The following ERC1 variants were observed in gnomAD, a reference collection of about 807,000 sequenced individuals.
ERC1 encodes the protein ELKS/RAB6-interacting/CAST family member 1, also known as RAB6 interacting protein 2.
Under a neutral mutation model 132.0 loss-of-function variants are expected in ERC1, and 56 were observed. That is an observed-to-expected ratio of 0.42 (90% CI 0.34 to 0.53). The LOEUF (loss-of-function observed/expected upper bound fraction) is 0.53. Among genes scored for constraint, ERC1 ranks in the 20% least tolerant of loss-of-function variants. The pLI, the probability that ERC1 is intolerant of heterozygous loss-of-function variation, is 0.03. For synonymous variants in ERC1, 478 were observed against 476.1 expected, an observed-to-expected ratio of 1.00 and a Z score of -0.05; for missense variants, 1,202 against 1,349.9, an observed-to-expected ratio of 0.89 and a Z score of 1.72.
intron 3 of ERC1, 125 bp downstream of exon 3, chr12:1,083,705 G>T (rs542906725): frequency 2.8e-5 from 20 of 710,294 alleles, no homozygotes; most frequent in Middle Eastern, 7.1e-4. Context: ...TTCATCCTTT[G>T]TATTTAAGTG....
chr12:1,208,948 G>A (rs573737403), intron 12 of ERC1, among the ~76,000 whole-genome samples: 30 of 134,484 alleles, frequency 2.2e-4, no homozygotes, highest in Admixed American at 7.6e-4. Flanking sequence ...TTGCCACCAC[G>A]CCCAGCTGAT....
intron 15 of ERC1, among the ~76,000 whole-genome samples, chr12:1,298,161 C>T (rs1306853580): frequency 6.6e-6 from 1 of 152,136 alleles, no homozygotes; most frequent in Non-Finnish European, 1.5e-5. Context: ...TGAAGTAGTA[C>T]AATTTCTAAT....
intron 8 of ERC1, among the ~76,000 whole-genome samples, chr12:1,164,284 A>G (rs1246088775): frequency 9.4e-6 from 1 of 106,152 alleles, no homozygotes; most frequent in African/African-American, 3.0e-5. Context: ...ATTTTATGTT[A>G]TTTTATTTTG....
chr12:1,003,096 C>CAAAAAAAAAAAAAAAAAAAGAA (rs59507923), intron 1 of ERC1, among the ~76,000 whole-genome samples: 5 of 86,876 alleles, frequency 5.8e-5, no homozygotes, highest in Admixed American at 1.5e-4. Context: ...ATGAAAAATG[C>CAAAAAAAAAAAAAAAAAAAGAA]AAAAAAAAAA....
chr12:1,083,824 T>C (rs1942577832), intron 3 of ERC1, among the ~76,000 whole-genome samples: 3 of 152,224 alleles, frequency 2.0e-5, no homozygotes, highest in African/African-American at 7.2e-5. Context: ...CCCCTGATTT[T>C]GAGAGTTCAT....
At chr12:1,064,698 TTC>T (rs1436553067) in intron 2 of ERC1, among the ~76,000 whole-genome samples, 2 of 152,188 alleles carry the variant, frequency 1.3e-5, no homozygotes, top group Non-Finnish European at 2.9e-5. Context: ...CAGTGTAGAA[TTC>T]TGTTTTTATC....
At chr12:1,095,036 C>G (rs1339745547) in intron 3 of ERC1, among the ~76,000 whole-genome samples, 1 of 152,092 alleles carries the variant, frequency 6.6e-6, no homozygotes, top group African/African-American at 2.4e-5. Context: ...ATTTTCAGAC[C>G]TAAGTTTTAC....
At chr12:1,273,776 CAGAT>C (rs1231744412) in intron 14 of ERC1, among the ~76,000 whole-genome samples, 3 of 148,264 alleles carry the variant, frequency 2.0e-5, no homozygotes, top group South Asian at 2.1e-4. Context: ...GATGGACAGA[CAGAT>C]AGATACATGG....
At chr12:1,016,635 C>CTTTTTTT (rs397967271) in intron 1 of ERC1, among the ~76,000 whole-genome samples, 13 of 128,056 alleles carry the variant, frequency 1.0e-4, no homozygotes, top group Admixed American at 1.6e-4. Flanking sequence ...CTTTTCTTTT[C>CTTTTTTT]TTTTTTTTTT....
intron 2 of ERC1, among the ~76,000 whole-genome samples, chr12:1,081,486 G>A (rs1942188845): frequency 6.6e-6 from 1 of 152,168 alleles, no homozygotes; most frequent in Non-Finnish European, 1.5e-5. Context: ...AAGCTGATTT[G>A]GAGTTTTCTT....
intron 15 of ERC1, among the ~76,000 whole-genome samples, chr12:1,315,341 TTTTTGTTTTG>T (rs143817041): frequency 6.6e-6 from 1 of 150,870 alleles, no homozygotes; most frequent in East Asian, 1.9e-4. Context: ...TTCTACAGTT[TTTTTGTTTTG>T]TTTTGTTTTG....
chr12:1,216,607 A>AGGAGGGATGGGGGGCGAGGG (rs1485383560), intron 12 of ERC1, among the ~76,000 whole-genome samples: 1 of 27,400 alleles, frequency 3.6e-5, no homozygotes, highest in African/African-American at 1.1e-4. Flanking sequence ...GGGGTCGGGG[A>AGGAGGGATGGGGGGCGAGGG]GGAGGGATGG....
intron 18 of ERC1, among the ~76,000 whole-genome samples, chr12:1,473,173 G>C (rs1468093281): frequency 6.6e-6 from 1 of 152,000 alleles, no homozygotes; most frequent in East Asian, 1.9e-4. Flanking sequence ...TTACAGGCAC[G>C]CACCACCATG....
intron 4 of ERC1, among the ~76,000 whole-genome samples, chr12:1,107,885 T>C (rs1446066454): frequency 6.6e-6 from 1 of 152,132 alleles, no homozygotes; most frequent in Non-Finnish European, 1.5e-5. Context: ...GGTTGAGAAT[T>C]TGGGGAATTT....
chr12:1,004,691 C>G (rs540493582), intron 1 of ERC1, among the ~76,000 whole-genome samples: 1 of 152,082 alleles, frequency 6.6e-6, no homozygotes, highest in East Asian at 1.9e-4. Flanking sequence ...AGGTGTGAGC[C>G]ACCATGCTCA....
chr12:1,003,287 A>G (rs972819741), intron 1 of ERC1, among the ~76,000 whole-genome samples: 1 of 152,102 alleles, frequency 6.6e-6, no homozygotes, highest in Non-Finnish European at 1.5e-5. Flanking sequence ...AATGTTTTAT[A>G]GTTTTCTGTG....
intron 5 of ERC1, 84 bp downstream of exon 5, chr12:1,110,431 C>A (rs1011363069): frequency 9.1e-7 from 1 of 1,101,568 alleles, no homozygotes; most frequent in Non-Finnish European, 1.3e-6. Flanking sequence ...ATGATAAAGC[C>A]GTATTTTACA....
At chr12:1,485,227 CAG>C (rs1245257502) in intron 18 of ERC1, among the ~76,000 whole-genome samples, 1 of 80,862 alleles carries the variant, frequency 1.2e-5, no homozygotes, top group Non-Finnish European at 2.4e-5. Context: ...TTTTTTGAGA[CAG>C]AGTCTCGCTC....
chr12:1,285,357 C>T (rs1395527066), intron 14 of ERC1, among the ~76,000 whole-genome samples: 1 of 152,138 alleles, frequency 6.6e-6, no homozygotes, highest in East Asian at 1.9e-4. Flanking sequence ...AAATCCCTGT[C>T]ACTCTTTTAT....
Sources: allele counts gnomAD v4.1 joint callset (sites outside exome capture counted in the v4.1 genomes callset), GRCh38; gene constraint gnomAD v4.1.1; transcripts MANE v1.5; gene names NCBI Gene and HGNC (gene_info 2026-07-23, HGNC 2026-07-21).